Variants in IL7R observed in about 807,000 individuals in gnomAD.
IL7R encodes the protein interleukin-7 receptor subunit alpha.
Under a neutral mutation model 47.0 loss-of-function variants are expected in IL7R, and 38 were observed. The observed-to-expected ratio is 0.81, with a 90% CI of 0.62 to 1.06. The LOEUF is 1.06. Among genes scored for constraint, IL7R ranks in the 50% least tolerant of loss-of-function variants. The pLI is 0.00. For synonymous variants in IL7R, 221 were observed against 199.8 expected, an observed-to-expected ratio of 1.11 and a Z score of -0.89; for missense variants, 633 against 534.8, an observed-to-expected ratio of 1.18 and a Z score of -1.81.
Position 35,856,964 on chromosome 5 carries a change from CTA to C in IL7R, c.-12_-11del. ...TGGCTCACACATCTACTCTCTCTCT[CTA>C]TCTCTCTCAGAATGACAATTCTAGG... On this transcript the variant is annotated 5_prime_UTR_variant, in exon 1 of 8. Transcript: ENST00000303115. 6.7e-7 allele frequency: 1 copy of C among 1,482,956 alleles called. No homozygotes were observed. Among genetic ancestry groups the C allele is most frequent in the Middle Eastern group, 1.7e-4 (1 of 5,794 alleles). The allele number at this position is 1,482,956 out of a possible 1,614,324, so 91.9% of individuals were successfully genotyped here.
rs1759799880 is a variant in IL7R, at chr5:35,861,142, C to G, written c.221+152C>G. ...CAAAGGCCTCCTGAAACTCCTTGTC[C>G]TTCACCAAAAACACTCATACAAATC... On this transcript the variant is annotated intron_variant, in intron 2 of 7. Transcript: ENST00000303115. 31 of 825,622 alleles carry G rather than the reference C, an allele frequency of 3.8e-5. No individual in the cohort carries two copies. The South Asian group carries it at 4.5e-4, about 12-fold the overall frequency. 51.1% of individuals were successfully genotyped at this position (825,622 alleles called of 1,614,324 possible).
chr5:35,858,892 T>A (rs961914799), intron 1 of IL7R, among the ~76,000 whole-genome samples: 4 of 152,188 alleles, frequency 2.6e-5, no homozygotes, highest in African/African-American at 9.7e-5. Context: ...AGGTAGAGTA[T>A]CCAGAATTTA....
intron 3 of IL7R, among the ~76,000 whole-genome samples, chr5:35,869,824 AT>A (rs1349608674): frequency 6.6e-6 from 1 of 152,086 alleles, no homozygotes; most frequent in East Asian, 1.9e-4. Flanking sequence ...AGTCCAGGGC[AT>A]TTTCCCTTTT....
At chr5:35,857,323 C>T (rs115738283) in intron 1 of IL7R, among the ~76,000 whole-genome samples, 2 of 101,054 alleles carry the variant, frequency 2.0e-5, no homozygotes, top group Admixed American at 2.0e-4. Context: ...TGAATGATTA[C>T]TCTGCTCTTA....
chr5:35,865,643 A>G (rs1759920959), intron 2 of IL7R, among the ~76,000 whole-genome samples: 1 of 152,134 alleles, frequency 6.6e-6, no homozygotes, highest in South Asian at 2.1e-4. Flanking sequence ...CTTTTTAATG[A>G]TCACCATTCT....
intron 1 of IL7R, among the ~76,000 whole-genome samples, chr5:35,860,497 T>C (rs1050935945): frequency 6.6e-6 from 1 of 152,160 alleles, no homozygotes; most frequent in African/African-American, 2.4e-5. Context: ...GAACAATCAA[T>C]GTAACAAATG....
Position 35,876,351 on chromosome 5 carries a change from G to T in IL7R, c.1245G>T (p.Leu415=), listed in dbSNP as rs547350466. The T allele has an allele frequency of 6.2e-7, 1 of 1,613,172 alleles. No individual in the cohort carries two copies. The highest frequency in any genetic ancestry group is 1.1e-5 in the South Asian group (1 of 91,018). ...LLSLGTTNST[L]PPPFSLQSGI... ...GCCTTGGGACTACAAACAGCACGCT[G>T]CCCCCTCCATTTTCTCTCCAATCTG... The change falls in exon 8 of 8, where the codon CTG becomes CTT. Residue 415 remains leucine, a synonymous_variant. Transcript: ENST00000303115.
At chr5:35,859,644 A>T (rs1030915262) in intron 1 of IL7R, among the ~76,000 whole-genome samples, 1 of 152,172 alleles carries the variant, frequency 6.6e-6, no homozygotes, top group Non-Finnish European at 1.5e-5. Flanking sequence ...CCAACCTGTC[A>T]TTCAACTGGT....
At position 35,876,912 on chromosome 5, in the gene IL7R, A is replaced by C; in HGVS notation, c.*426A>C. The C allele has an allele frequency of 3.8e-6, 1 of 265,732 alleles. No individual in the cohort carries two copies. The highest frequency in any genetic ancestry group is 2.2e-5 in the African/African-American group (1 of 46,122). 16.5% of individuals were successfully genotyped at this position (265,732 alleles called of 1,614,324 possible). A position where few individuals can be genotyped will look rare whatever the true frequency, so the allele number is the denominator to read the frequency against. On this transcript the variant is annotated 3_prime_UTR_variant, in exon 8 of 8. Coordinates refer to ENST00000303115, the MANE Select transcript of IL7R (RefSeq NM_002185.5). Reference sequence around the variant, plus strand: ...GCAAGTGCTCTGCGCACCTTGTCTCACTCCATCCTGACAATAATCCTGGGA... The same window carrying C: ...GCAAGTGCTCTGCGCACCTTGTCTCCCTCCATCCTGACAATAATCCTGGGA...
Position 35,878,692 on chromosome 5 carries a change from A to C in IL7R, c.*2206A>C, listed in dbSNP as rs907250717. 2.6e-5 allele frequency: 6 copies of C among 232,698 alleles called. No homozygotes were observed. Among genetic ancestry groups the C allele is most frequent in the Non-Finnish European group, 4.2e-5 (5 of 117,790 alleles). The allele number at this position is 232,698 out of a possible 1,614,324, so 14.4% of individuals were successfully genotyped here. On this transcript the variant is annotated 3_prime_UTR_variant, in exon 8 of 8. Coordinates refer to ENST00000303115, the MANE Select transcript of IL7R (RefSeq NM_002185.5). ...TACCTTATTCACAGAAGTTCTTTGA[A>C]GTATTTATTGTTATTTTCTTTGACT... is the stretch of plus-strand genomic sequence containing the variant.
Position 35,876,907 on chromosome 5 carries a change from G to T in IL7R, c.*421G>T. ...GCTTTGCAAGTGCTCTGCGCACCTT[G>T]TCTCACTCCATCCTGACAATAATCC... On this transcript the variant is annotated 3_prime_UTR_variant, in exon 8 of 8. Coordinates refer to ENST00000303115, the MANE Select transcript of IL7R (RefSeq NM_002185.5). 3.7e-6 allele frequency: 1 copy of T among 272,208 alleles called. No homozygotes were observed. Among genetic ancestry groups the T allele is most frequent in the Non-Finnish European group, 7.1e-6 (1 of 141,350 alleles). 16.9% of individuals were successfully genotyped at this position (272,208 alleles called of 1,614,324 possible). A position where few individuals can be genotyped will look rare whatever the true frequency, so the allele number is the denominator to read the frequency against.
intron 2 of IL7R, among the ~76,000 whole-genome samples, chr5:35,865,664 A>G (rs904257113): frequency 3.9e-5 from 6 of 152,144 alleles, no homozygotes; most frequent in Non-Finnish European, 7.4e-5. Flanking sequence ...AACTGGTGTG[A>G]GATGGTATGT....
chr5:35,874,093 G>C (rs1032109191), intron 5 of IL7R, among the ~76,000 whole-genome samples: 4 of 152,128 alleles, frequency 2.6e-5, no homozygotes, highest in Admixed American at 2.6e-4. Context: ...GAATGTGTAG[G>C]AACTGAGACA....
intron 3 of IL7R, among the ~76,000 whole-genome samples, chr5:35,868,238 T>G (rs1040927064): frequency 1.3e-5 from 2 of 152,230 alleles, no homozygotes; most frequent in African/African-American, 4.8e-5. Flanking sequence ...CAAAGTTTAC[T>G]GATTTAAATG....
chr5:35,868,626 A>G (rs1408706800), intron 3 of IL7R, among the ~76,000 whole-genome samples: 1 of 152,152 alleles, frequency 6.6e-6, no homozygotes, highest in Non-Finnish European at 1.5e-5. Context: ...TCATTTGGAG[A>G]TGAGGTCCCT....
chr5:35,865,186 A>G (rs1451506729), intron 2 of IL7R, among the ~76,000 whole-genome samples: 1 of 151,964 alleles, frequency 6.6e-6, no homozygotes, highest in African/African-American at 2.4e-5. Flanking sequence ...TTCAATTCCC[A>G]TCTATGAGTG....
At chr5:35,864,801 T>A (rs1347515328) in intron 2 of IL7R, among the ~76,000 whole-genome samples, 1 of 151,950 alleles carries the variant, frequency 6.6e-6, no homozygotes, top group Non-Finnish European at 1.5e-5. Flanking sequence ...AAGCAAGAGT[T>A]TTTTTTTATT....
At chr5:35,875,256 C>G (rs1156559931) in intron 6 of IL7R, among the ~76,000 whole-genome samples, 1 of 152,186 alleles carries the variant, frequency 6.6e-6, no homozygotes, top group Non-Finnish European at 1.5e-5. Flanking sequence ...GGGCTTTTTC[C>G]CAGAGGTATA....
At chr5:35,865,055 C>T (rs369725478) in intron 2 of IL7R, among the ~76,000 whole-genome samples, 28 of 152,212 alleles carry the variant, frequency 1.8e-4, no homozygotes, top group African/African-American at 6.0e-4. Flanking sequence ...TGGTGTGCTG[C>T]ACCGATTAAC....
Sources: allele counts gnomAD v4.1 joint callset (sites outside exome capture counted in the v4.1 genomes callset), GRCh38; gene constraint gnomAD v4.1.1; transcripts MANE v1.5; gene names NCBI Gene and HGNC (gene_info 2026-07-23, HGNC 2026-07-21).